The following PIK3C3 variants were observed in gnomAD, a reference collection of about 807,000 sequenced individuals.
PIK3C3 encodes the protein phosphatidylinositol 3-kinase catalytic subunit type 3, also known as PI3-kinase type 3.
In PIK3C3, 95 loss-of-function variants were observed where a neutral mutation model predicts 126.1. That is an observed-to-expected ratio of 0.75 (90% confidence interval 0.64 to 0.89). The LOEUF is 0.89. PIK3C3 is among the 40% of genes least tolerant of loss of function. PIK3C3 has a pLI of 0.00. For synonymous variants in PIK3C3, 374 were observed against 360.0 expected, an observed-to-expected ratio of 1.04 and a Z score of -0.44; for missense variants, 829 against 1,063.2, an observed-to-expected ratio of 0.78 and a Z score of 3.06.
intron 20 of PIK3C3, among the ~76,000 whole-genome samples, chr18:42,047,555 T>C (rs1984613678): frequency 6.6e-6 from 1 of 152,212 alleles, no homozygotes. Flanking sequence ...ACCCACAGTA[T>C]TGACTTTACC....
rs1234693293 is a variant in PIK3C3, at chr18:41,990,517, G to A, written c.677G>A (p.Cys226Tyr). Residue 226 changes from cysteine (C) to tyrosine (Y), a missense_variant, in exon 6 of 25, where the codon TGT (cysteine) becomes TAT (tyrosine). Physicochemically the swap from Cys to Tyr is radical, Grantham distance 194. Transcript: ENST00000262039. Reference sequence around the variant, plus strand: ...ATGGTTGAATTTCGATGTGTCAAGTGTGATGATAAGGAATATGGTATTGTT... The same window carrying A: ...ATGGTTGAATTTCGATGTGTCAAGTATGATGATAAGGAATATGGTATTGTT... ...YLMVEFRCVK[C>Y]DDKEYGIVYY... The A allele has an allele frequency of 1.2e-6, 2 of 1,602,586 alleles. No individual in the cohort carries two copies. The highest frequency in any genetic ancestry group is 1.7e-6 in the Non-Finnish European group (2 of 1,170,192).
chr18:42,057,709 G>A (rs1985133819), intron 21 of PIK3C3, 174 bp from the exon 22 acceptor site: 1 of 583,250 alleles, frequency 1.7e-6, no homozygotes, highest in Admixed American at 3.5e-5. Flanking sequence ...AGTTAATTAT[G>A]TTCTGAAGGC....
At position 41,990,469 on chromosome 18, in the gene PIK3C3, G is replaced by C. The variant is rs747825815; in HGVS notation, c.629G>C (p.Arg210Pro). 22 of 1,576,482 alleles carry C rather than the reference G, an allele frequency of 1.4e-5. No homozygotes were observed. Among genetic ancestry groups the C allele is most frequent in the Non-Finnish European group, 4.4e-6 (5 of 1,147,644 alleles). Reference sequence around the variant, plus strand: ...CATTTTTTTTTTCAGAGTGAAAAACGAAGTTCTAATTTCATGTACCTGATG... The same window carrying C: ...CATTTTTTTTTTCAGAGTGAAAAACCAAGTTCTAATTTCATGTACCTGATG... ...EIEMINESEK[R>P]SSNFMYLMVE... Residue 210 changes from arginine (R) to proline (P), a missense_variant, in exon 6 of 25, where the codon CGA (arginine) becomes CCA (proline). Around this residue, in one of 4 missense-constraint regions of PIK3C3, gnomAD observed 313 missense variants for 340.7 expected, o/e 0.92. Transcript: ENST00000262039.
At chr18:42,071,069 CTCTT>C (rs1985753488) in intron 24 of PIK3C3, among the ~76,000 whole-genome samples, 1 of 152,108 alleles carries the variant, frequency 6.6e-6, no homozygotes, top group Non-Finnish European at 1.5e-5. Flanking sequence ...TTGTTACAGG[CTCTT>C]TTGGACTAGG....
intron 5 of PIK3C3, 149 bp downstream of exon 5, chr18:41,988,047 A>G (rs1981584825): frequency 1.8e-6 from 1 of 542,222 alleles, no homozygotes. Flanking sequence ...AATAACTGGA[A>G]AATTGGAGAT....
intron 4 of PIK3C3, among the ~76,000 whole-genome samples, chr18:41,976,405 T>G (rs1980926260): frequency 6.6e-6 from 1 of 152,186 alleles, no homozygotes; most frequent in African/African-American, 2.4e-5. Flanking sequence ...CTGATGTCAT[T>G]ATTGTTAGTG....
Position 41,955,275 on chromosome 18 carries a change from C to A in PIK3C3, c.-17C>A. 6.2e-7 allele frequency: 1 copy of A among 1,608,848 alleles called. No homozygotes were observed. The highest frequency in any genetic ancestry group is 8.5e-7 in the Non-Finnish European group (1 of 1,176,604). ...ACCTAAGTTCCCGCTGTAGGTGGTA[C>A]CTTTGCAGACGGTGCGATGGGGGAA... On this transcript the variant is annotated 5_prime_UTR_variant, in exon 1 of 25. It introduces an in-frame stop codon into an upstream open reading frame of the 5' UTR. Coordinates refer to ENST00000262039, the MANE Select transcript of PIK3C3 (RefSeq NM_002647.4).
chr18:42,012,822 A>G (rs1378340298), intron 10 of PIK3C3, among the ~76,000 whole-genome samples: 3 of 152,182 alleles, frequency 2.0e-5, no homozygotes, highest in African/African-American at 7.2e-5. Context: ...AGTTGGCAGG[A>G]ATAGAAAGCA....
chr18:41,999,974 T>C (rs1982205911), intron 9 of PIK3C3, among the ~76,000 whole-genome samples: 1 of 152,180 alleles, frequency 6.6e-6, no homozygotes, highest in Non-Finnish European at 1.5e-5. Context: ...AGCCTCAAAT[T>C]ATACCCTTAG....
rs377183127 is a variant in PIK3C3 at position 42,013,599 on chromosome 18, A to G, written c.1325+3A>G. ...ATAAATTCTGCAGAAATAGATAGGTATGGATATCCAGGGAGGACATATTTT... is the reference window on the plus strand; with the variant it reads ...ATAAATTCTGCAGAAATAGATAGGTGTGGATATCCAGGGAGGACATATTTT... On this transcript the variant is annotated splice_donor_region_variant and intron_variant, in intron 11 of 24. Transcript: ENST00000262039. 1.9e-6 allele frequency: 3 copies of G among 1,573,024 alleles called. No individual in the cohort carries two copies. Among genetic ancestry groups the G allele is most frequent in the African/African-American group, 1.4e-5 (1 of 73,180 alleles).
intron 15 of PIK3C3, among the ~76,000 whole-genome samples, chr18:42,030,831 A>G (rs1265067054): frequency 2.0e-5 from 3 of 152,134 alleles, no homozygotes; most frequent in Non-Finnish European, 4.4e-5. Flanking sequence ...CTTATATTTG[A>G]AAGCAGTTTG....
chr18:42,074,184 T>C (rs1985888041), intron 24 of PIK3C3, among the ~76,000 whole-genome samples: 2 of 152,158 alleles, frequency 1.3e-5, no homozygotes, highest in South Asian at 4.1e-4. Context: ...TAGTCTTAAA[T>C]ATACCATAAT....
At chr18:42,020,543 T>TAC (rs753105438) in intron 12 of PIK3C3, 95 bp from the exon 13 acceptor site, 7 of 726,224 alleles carry the variant, frequency 9.6e-6, no homozygotes, top group Non-Finnish European at 2.3e-6. Context: ...ACATAAGATA[T>TAC]ACAGATGAAA....
At chr18:42,059,046 A>T (rs1018006713) in intron 22 of PIK3C3, among the ~76,000 whole-genome samples, 1 of 152,288 alleles carries the variant, frequency 6.6e-6, no homozygotes, top group East Asian at 1.9e-4. Flanking sequence ...GTGTTTATTC[A>T]TTGAGAACTC....
chr18:41,988,328 G>A (rs190839564), intron 5 of PIK3C3, among the ~76,000 whole-genome samples: 35 of 152,160 alleles, frequency 2.3e-4, no homozygotes, highest in Admixed American at 1.1e-3. Flanking sequence ...ATAGGACTCC[G>A]CACCCTCTAT....
intron 9 of PIK3C3, among the ~76,000 whole-genome samples, chr18:42,001,574 C>G (rs539042638): frequency 6.6e-6 from 1 of 152,156 alleles, no homozygotes; most frequent in African/African-American, 2.4e-5. Flanking sequence ...TATTCTTTGA[C>G]TCCTTGTTTT....
chr18:42,066,989 G>A (rs1985569057), intron 23 of PIK3C3, among the ~76,000 whole-genome samples: 1 of 151,586 alleles, frequency 6.6e-6, no homozygotes, highest in African/African-American at 2.4e-5. Context: ...CAATTCACAA[G>A]GAATAACAGG....
At chr18:41,967,970 G>T (rs537613119) in intron 3 of PIK3C3, among the ~76,000 whole-genome samples, 2 of 152,178 alleles carry the variant, frequency 1.3e-5, no homozygotes, top group African/African-American at 2.4e-5. Context: ...TGGACACGAT[G>T]CTCTGAGCAT....
Position 41,996,723 on chromosome 18 carries a change from A to C in PIK3C3, c.977A>C (p.Gln326Pro), listed in dbSNP as rs1417843030. The stretch of plus-strand genomic sequence containing the variant: ...AAGTTTAGATATTATCTTACGAATC[A>C]AGAAAAAGTGAGTGTCTTGAATATT... Reference protein sequence around the residue: ...VWKFRYYLTNQEKALTKFLKC... With the variant: ...VWKFRYYLTNPEKALTKFLKC... Residue 326 changes from glutamine (Q) to proline (P), a missense_variant, in exon 9 of 25, where the codon CAA becomes CCA. Gln to Pro is a moderately conservative substitution (Grantham distance 76). This residue lies in a region of PIK3C3 where 64 missense variants were observed against 118.7 expected (regional missense o/e 0.54). Coordinates refer to ENST00000262039, the MANE Select transcript of PIK3C3 (RefSeq NM_002647.4). The C allele has an allele frequency of 1.3e-6, 2 of 1,494,400 alleles. No homozygotes were observed. The highest frequency in any genetic ancestry group is 1.8e-6 in the Non-Finnish European group (2 of 1,088,458). The allele number at this position is 1,494,400 out of a possible 1,614,324, so 92.6% of individuals were successfully genotyped here. A position where few individuals can be genotyped will look rare whatever the true frequency, so the allele number is the denominator to read the frequency against.
Sources: gnomAD v4.1 joint callset for allele counts (sites outside exome capture counted in the v4.1 genomes callset) on GRCh38, gnomAD v4.1.1 for gene constraint, gnomAD v4.1.1 regional missense constraint, MANE v1.5 for transcripts, NCBI Gene and HGNC (gene_info 2026-07-23, HGNC 2026-07-21) for gene names.